The following TMEM108 variants were observed in gnomAD, a reference collection of about 807,000 sequenced individuals.
The protein encoded by TMEM108 is transmembrane protein 108.
TMEM108 carries 12 observed loss-of-function variants against 35.1 expected under a neutral mutation model. The ratio of observed to expected loss-of-function variants is 0.34; its 90% CI spans 0.22 to 0.55. The LOEUF (loss-of-function observed/expected upper bound fraction) is 0.55, where lower values mean the gene tolerates loss of function less well. Ranked by LOEUF, TMEM108 falls within the 20% of genes least tolerant of loss-of-function variation. The pLI is 0.89. For missense variants in TMEM108, 680 were observed against 753.3 expected, an observed-to-expected ratio of 0.90 and a Z score of 1.14; for synonymous variants, 287 against 308.6, an observed-to-expected ratio of 0.93 and a Z score of 0.73.
intron 3 of TMEM108, among the ~76,000 whole-genome samples, chr3:133,232,280 G>A (rs1946164692): frequency 6.6e-6 from 1 of 152,146 alleles, no homozygotes; most frequent in African/African-American, 2.4e-5. Context: ...GAGAAGGAAA[G>A]TGAACAAGTT....
chr3:133,268,205 T>C (rs1344052887), intron 3 of TMEM108, among the ~76,000 whole-genome samples: 4 of 152,232 alleles, frequency 2.6e-5, no homozygotes, highest in African/African-American at 9.6e-5. Flanking sequence ...AAAGGCTTCT[T>C]GGACAGTATG....
At chr3:133,179,262 T>A (rs937157240) in intron 2 of TMEM108, among the ~76,000 whole-genome samples, 28 of 152,224 alleles carry the variant, frequency 1.8e-4, no homozygotes, top group South Asian at 1.2e-3. Context: ...TCCTCAGAGA[T>A]CTAGAACTAG....
intron 2 of TMEM108, among the ~76,000 whole-genome samples, chr3:133,160,387 G>A (rs999769545): frequency 2.0e-5 from 3 of 152,190 alleles, no homozygotes; most frequent in Non-Finnish European, 4.4e-5. Flanking sequence ...CTGGCCTTGG[G>A]TCTAAATGAT....
At chr3:133,065,476 A>G (rs1943595683) in intron 2 of TMEM108, among the ~76,000 whole-genome samples, 1 of 151,744 alleles carries the variant, frequency 6.6e-6, no homozygotes, top group Admixed American at 6.6e-5. Context: ...AGCTCTAGTT[A>G]GTATAAAAGA....
intron 3 of TMEM108, among the ~76,000 whole-genome samples, chr3:133,260,280 A>G (rs1283393459): frequency 2.2e-5 from 1 of 45,052 alleles, no homozygotes; most frequent in Admixed American, 3.3e-4. Context: ...GGGAATCTAG[A>G]CAATAGTAAA....
In TMEM108 at chr3:133,264,523, A is replaced by G. The variant is rs547851961; in HGVS notation, c.40+35172A>G. On this transcript the variant is annotated intron_variant, in intron 3 of 5. Transcript: ENST00000321871. ...CTTGGGATTGAACTAATGTCCACAGATGTAACACCGTTTTGTAGCAAAGAT... is the reference window on the plus strand; with the variant it reads ...CTTGGGATTGAACTAATGTCCACAGGTGTAACACCGTTTTGTAGCAAAGAT... Among the ~76,000 whole-genome samples, 3 of 152,316 alleles carry G rather than the reference A, an allele frequency of 2.0e-5. No homozygotes were observed. The South Asian group carries it at 6.2e-4, about 32-fold the overall frequency.
At chr3:133,176,266 G>T (rs1167300505) in intron 2 of TMEM108, among the ~76,000 whole-genome samples, 1 of 152,102 alleles carries the variant, frequency 6.6e-6, no homozygotes, top group Non-Finnish European at 1.5e-5. Flanking sequence ...AGATCAACAA[G>T]ACAGAAGGTT....
intron 2 of TMEM108, among the ~76,000 whole-genome samples, chr3:133,099,350 G>T (rs1944057331): frequency 6.6e-6 from 1 of 152,162 alleles, no homozygotes; most frequent in African/African-American, 2.4e-5. Flanking sequence ...TTCCTCCTGG[G>T]CTTCCAGGCC....
chr3:133,116,260 C>T (rs1052311113), intron 2 of TMEM108, among the ~76,000 whole-genome samples: 1 of 152,164 alleles, frequency 6.6e-6, no homozygotes, highest in Non-Finnish European at 1.5e-5. Flanking sequence ...CCAAGAATCA[C>T]AGTAAATTTG....
intron 3 of TMEM108, among the ~76,000 whole-genome samples, chr3:133,331,387 C>T (rs995443242): frequency 3.9e-5 from 6 of 152,048 alleles, no homozygotes; most frequent in Admixed American, 1.3e-4. Context: ...CAGGTCTCTC[C>T]CATTGTTGAT....
intron 3 of TMEM108, among the ~76,000 whole-genome samples, chr3:133,299,809 G>C (rs1947194505): frequency 1.3e-5 from 2 of 152,092 alleles, no homozygotes; most frequent in South Asian, 4.1e-4. Context: ...GACCATCCCA[G>C]TTTTAACAAT....
At chr3:133,185,184 T>C (rs2107807849) in intron 2 of TMEM108, among the ~76,000 whole-genome samples, 1 of 152,320 alleles carries the variant, frequency 6.6e-6, no homozygotes, top group African/African-American at 2.4e-5. Context: ...ATCTTTATTA[T>C]CGTATTTGTT....
rs540044193 is a variant in TMEM108, at chr3:133,090,574, G to A, written c.-47+44554G>A. Among the ~76,000 whole-genome samples the A allele has an allele frequency of 2.6e-5, 4 of 152,274 alleles. No individual in the cohort carries two copies. The South Asian group carries it at 8.3e-4, about 32-fold the overall frequency. On this transcript the variant is annotated intron_variant, in intron 2 of 5. Transcript: ENST00000321871. The stretch of plus-strand genomic sequence containing the variant: ...AAATAATATATTCATATATTGCCAA[G>A]TAAAGCTTGAGAAGTCAATGCACTA...
At chr3:133,372,407 C>A (rs541075957) in intron 3 of TMEM108, among the ~76,000 whole-genome samples, 40 of 152,290 alleles carry the variant, frequency 2.6e-4, no homozygotes, top group African/African-American at 9.4e-4. Context: ...TGTCATTCTT[C>A]CCTGTTTCTT....
At chr3:133,329,180 A>G (rs953902508) in intron 3 of TMEM108, among the ~76,000 whole-genome samples, 3 of 152,078 alleles carry the variant, frequency 2.0e-5, no homozygotes, top group African/African-American at 7.2e-5. Flanking sequence ...CCCCATTTCT[A>G]TTCAGTTCAG....
At chr3:133,057,956 C>T (rs1353111079) in intron 2 of TMEM108, among the ~76,000 whole-genome samples, 1 of 152,114 alleles carries the variant, frequency 6.6e-6, no homozygotes, top group Admixed American at 6.5e-5. Context: ...GGTTGTATTA[C>T]GTTACTTGTT....
At chr3:133,220,082 G>GTT (rs57936804) in intron 2 of TMEM108, among the ~76,000 whole-genome samples, 44,531 of 139,046 alleles carry the variant, frequency 0.32, 7,650 homozygotes, top group East Asian at 0.47. Context: ...TGTTTCTTCG[G>GTT]TTTTTTTTTT....
chr3:133,239,380 C>G (rs76128791), intron 3 of TMEM108, among the ~76,000 whole-genome samples: 3 of 152,156 alleles, frequency 2.0e-5, no homozygotes, highest in African/African-American at 7.2e-5. Flanking sequence ...ACTTGATTGG[C>G]TTTGATTAGT....
intron 3 of TMEM108, among the ~76,000 whole-genome samples, chr3:133,341,710 G>A (rs1002494456): frequency 6.6e-6 from 1 of 151,764 alleles, no homozygotes; most frequent in Non-Finnish European, 1.5e-5. Flanking sequence ...ACAGAATAGA[G>A]AACCTGGAGA....
Sources: allele counts gnomAD v4.1 joint callset (sites outside exome capture counted in the v4.1 genomes callset), GRCh38; gene constraint gnomAD v4.1.1; transcripts MANE v1.5; gene names NCBI Gene and HGNC (gene_info 2026-07-23, HGNC 2026-07-21).